Variants in PTPN23 observed in about 807,000 individuals in gnomAD.
PTPN23 encodes the protein tyrosine-protein phosphatase non-receptor type 23.
Under a neutral mutation model 156.3 loss-of-function variants are expected in PTPN23, and 72 were observed. The observed-to-expected ratio is 0.46, with a 90% CI of 0.38 to 0.56. The LOEUF (loss-of-function observed/expected upper bound fraction) is 0.56. Ranked by LOEUF, PTPN23 falls within the 20% of genes least tolerant of loss-of-function variation. The probability of loss-of-function intolerance (pLI) is 0.00; values close to 1 mark genes in which losing one functional copy is unlikely to be tolerated. For synonymous variants in PTPN23, 957 were observed against 899.6 expected (o/e 1.06, Z -1.14); for missense variants, 1,974 against 2,171.5 (o/e 0.91, Z 1.81).
intron 1 of PTPN23, among the ~76,000 whole-genome samples, chr3:47,395,439 A>AG (rs1218367607): frequency 6.6e-6 from 1 of 152,186 alleles, no homozygotes; most frequent in East Asian, 1.9e-4. Flanking sequence ...TGAGTTGAAC[A>AG]GGGGGCCCTT....
chr3:47,395,341 A>G (rs1559520535), intron 1 of PTPN23, among the ~76,000 whole-genome samples: 2 of 152,162 alleles, frequency 1.3e-5, no homozygotes, highest in Non-Finnish European at 2.9e-5. Flanking sequence ...TTGTGGCGTG[A>G]GTGGATCTGG....
chr3:47,383,642 G>A (rs1293277090), intron 1 of PTPN23, among the ~76,000 whole-genome samples: 3 of 152,234 alleles, frequency 2.0e-5, no homozygotes. Flanking sequence ...GAATGCAGTA[G>A]ATAAAATCTT....
At position 47,392,519 on chromosome 3, in the gene PTPN23, T is replaced by C. The variant is rs530321384; in HGVS notation, c.85-3624T>C. Among the ~76,000 whole-genome samples the C allele has an allele frequency of 2.2e-4, 34 of 152,202 alleles. 1 individual carries two copies. The South Asian group carries it at 6.9e-3, about 31-fold the overall frequency. Reference sequence around the variant, plus strand: ...ACTTTTTGTAGTTGTGTTTTTGTTGTTGTTGTTGTCATAATTATTTTTGAG... The same window carrying C: ...ACTTTTTGTAGTTGTGTTTTTGTTGCTGTTGTTGTCATAATTATTTTTGAG... On this transcript the variant is annotated intron_variant, in intron 1 of 24. Coordinates refer to ENST00000265562, the MANE Select transcript of PTPN23 (RefSeq NM_015466.4).
At position 47,407,134 on chromosome 3, in the gene PTPN23, C is replaced by T. The variant is rs1576226064; in HGVS notation, c.812C>T (p.Ala271Val). 6.2e-7 allele frequency: 1 copy of T among 1,614,046 alleles called. No homozygotes were observed. The highest frequency in any genetic ancestry group is 8.5e-7 in the Non-Finnish European group (1 of 1,179,962). Residue 271 changes from alanine (A) to valine (V), a missense_variant, in exon 10 of 25, where the codon GCA becomes GTA. Ala to Val is a moderately conservative substitution (Grantham distance 64, BLOSUM62 0). Transcript: ENST00000265562. The surrounding 1 kb of genome is among the most constrained non-coding windows in gnomAD (Gnocchi z 4.0). ...EEQQKFGERVAYFQSALDKLN... is the reference protein window; with the variant it reads ...EEQQKFGERVVYFQSALDKLN... The stretch of plus-strand genomic sequence containing the variant: ...CTTTCCTGCCACCCTCCACAGGTTG[C>T]ATACTTCCAGAGCGCCCTGGACAAG...
At chr3:47,397,136 A>G (rs1021399722) in intron 2 of PTPN23, among the ~76,000 whole-genome samples, 1 of 152,208 alleles carries the variant, frequency 6.6e-6, no homozygotes, top group Non-Finnish European at 1.5e-5. Context: ...GCCGTCTTCT[A>G]TGGGTGCAAT....
At position 47,407,795 on chromosome 3, in the gene PTPN23, G is replaced by C; in HGVS notation, c.1102G>C (p.Ala368Pro). Residue 368 changes from alanine to proline, a missense_variant, in exon 13 of 25, where the codon GCC becomes CCC. Ala to Pro is a conservative substitution (Grantham distance 27). This residue lies in a region of PTPN23 where 726 missense variants were observed against 929.5 expected (regional missense o/e 0.78). Transcript: ENST00000265562. The surrounding 1 kb of genome is among the most constrained non-coding windows in gnomAD (Gnocchi z 4.0). ...AKLVPMAAHEASSLYSEEKAK... is the reference protein window; with the variant it reads ...AKLVPMAAHEPSSLYSEEKAK... ...ACTGGTACCCATGGCTGCCCACGAG[G>C]CCTCGTCACTGTACAGGTGGGTGGA... 6.2e-7 allele frequency: 1 copy of C among 1,614,190 alleles called. No homozygotes were observed.
chr3:47,399,257 C>T (rs1273113808), intron 2 of PTPN23, among the ~76,000 whole-genome samples: 1 of 152,120 alleles, frequency 6.6e-6, no homozygotes, highest in Non-Finnish European at 1.5e-5. Context: ...TGGGTGGCTG[C>T]TACTATGGTA....
In PTPN23 at chr3:47,410,263, A is replaced by G. The variant is rs1576229984; in HGVS notation, c.2465A>G (p.Tyr822Cys). The change falls in exon 20 of 25, where the codon TAC becomes TGC. Residue 822 changes from tyrosine to cysteine, a missense_variant. Physicochemically the swap from Tyr to Cys is radical, Grantham distance 194 (BLOSUM62 -2). Coordinates refer to ENST00000265562, the MANE Select transcript of PTPN23 (RefSeq NM_015466.4). ...AMPVAPGPAL[Y>C]PAPAYTPELG... is the part of the protein sequence containing the mutation. ...CCCGTAGCACCTGGGCCTGCCCTCTACCCAGCCCCTGCCTACACACCGGAG... is the reference window on the plus strand; with the variant it reads ...CCCGTAGCACCTGGGCCTGCCCTCTGCCCAGCCCCTGCCTACACACCGGAG... 1.2e-6 allele frequency: 2 copies of G among 1,608,156 alleles called. No homozygotes were observed. The highest frequency in any genetic ancestry group is 1.7e-6 in the Non-Finnish European group (2 of 1,177,586).
At position 47,406,852 on chromosome 3, in the gene PTPN23, C is replaced by A; in HGVS notation, c.807+102C>A. 1.4e-6 allele frequency: 2 copies of A among 1,449,920 alleles called. No individual in the cohort carries two copies. Among genetic ancestry groups the A allele is most frequent in the South Asian group, 1.2e-5 (1 of 81,864 alleles). 89.8% of individuals were successfully genotyped at this position (1,449,920 alleles called of 1,614,324 possible). On this transcript the variant is annotated intron_variant, in intron 9 of 24. Coordinates refer to ENST00000265562, the MANE Select transcript of PTPN23 (RefSeq NM_015466.4). The surrounding 1 kb of genome is among the most constrained non-coding windows in gnomAD (Gnocchi z 5.8). The stretch of plus-strand genomic sequence containing the variant: ...CACCAGGGGGTGGCCTTCTCTGTCT[C>A]ACCCTGGCCATCACCCTGCTGGAGG...
At position 47,407,348 on chromosome 3, in the gene PTPN23, A is replaced by G. The variant is rs748601492; in HGVS notation, c.904A>G (p.Met302Val). 1.9e-5 allele frequency: 31 copies of G among 1,613,732 alleles called. No individual in the cohort carries two copies. Among genetic ancestry groups the G allele is most frequent in the Non-Finnish European group, 2.3e-5 (27 of 1,179,904 alleles). ...TGTGCAAGACGCGCTTCGCTTCACT[A>G]TGGATGTCATTGGGGGAAAGTGAGT... The part of the protein sequence containing the change: ...DTVQDALRFT[M>V]DVIGGKYNSA... The change falls in exon 11 of 25, where the codon ATG becomes GTG. Residue 302 changes from methionine (M) to valine (V), a missense_variant. Physicochemically the swap from Met to Val is conservative, Grantham distance 21 (BLOSUM62 1). Coordinates refer to ENST00000265562, the MANE Select transcript of PTPN23 (RefSeq NM_015466.4). This position sits in a 1 kb window ranked among gnomAD's most constrained non-coding sequence, Gnocchi z 4.0.
chr3:47,406,470 C>A lies in PTPN23; in HGVS notation c.628-11C>A. On this transcript the variant is annotated splice_polypyrimidine_tract_variant and intron_variant, in intron 7 of 24. Coordinates refer to ENST00000265562, the MANE Select transcript of PTPN23 (RefSeq NM_015466.4). This position sits in a 1 kb window ranked among gnomAD's most constrained non-coding sequence, Gnocchi z 5.8. ...GACTCCCCCACTCATTGGGCCCCAC[C>A]CTGTTCTCAGGTGGTAGATTACTAC... 3 of 1,613,950 alleles carry A rather than the reference C, an allele frequency of 1.9e-6. No individual in the cohort carries two copies. Among genetic ancestry groups the A allele is most frequent in the Non-Finnish European group, 2.5e-6 (3 of 1,179,976 alleles).
intron 1 of PTPN23, among the ~76,000 whole-genome samples, chr3:47,395,229 G>A (rs1704854255): frequency 6.6e-6 from 1 of 152,226 alleles, no homozygotes; most frequent in Admixed American, 6.5e-5. Context: ...AGACAGAGCA[G>A]GCTGCCTCAT....
chr3:47,381,513 C>T (rs958502341), intron 1 of PTPN23, among the ~76,000 whole-genome samples: 2 of 152,190 alleles, frequency 1.3e-5, no homozygotes, highest in East Asian at 3.9e-4. Context: ...TCCTCCATGC[C>T]AGGACCGCCC....
At chr3:47,396,851 A>G (rs1704889576) in intron 2 of PTPN23, among the ~76,000 whole-genome samples, 1 of 152,238 alleles carries the variant, frequency 6.6e-6, no homozygotes, top group South Asian at 2.1e-4. Flanking sequence ...ACTTGAGCCC[A>G]GGAGGTTGGG....
chr3:47,410,020 C>T lies in PTPN23; in HGVS notation c.2222C>T (p.Pro741Leu). 3 of 1,610,222 alleles carry T rather than the reference C, an allele frequency of 1.9e-6. No homozygotes were observed. Among genetic ancestry groups the T allele is most frequent in the Non-Finnish European group, 2.5e-6 (3 of 1,178,494 alleles). The stretch of plus-strand genomic sequence containing the variant: ...AGTGAGGCAGTGGAAGCAGGAGACC[C>T]CCCTGAGGAGCTGCGCAGCCTCCCC... Reference protein sequence around the residue: ...EESEAVEAGDPPEELRSLPPD... With the variant: ...EESEAVEAGDLPEELRSLPPD... The change falls in exon 20 of 25, where the codon CCC (proline) becomes CTC (leucine). Residue 741 changes from proline (P) to leucine (L), a missense_variant. By Grantham distance (98) the Pro-to-Leu change is moderately conservative. This residue lies in a region of PTPN23 where 731 missense variants were observed against 669.1 expected (regional missense o/e 1.09). Coordinates refer to ENST00000265562, the MANE Select transcript of PTPN23 (RefSeq NM_015466.4).
Position 47,406,196 on chromosome 3 carries a change from GGAGTGGGGGCAGCTGGGGGAGAGGGCAGT to G in PTPN23, c.547-126_547-98del. 6.9e-7 allele frequency: 1 copy of G among 1,455,890 alleles called. No homozygotes were observed. The highest frequency in any genetic ancestry group is 9.4e-7 in the Non-Finnish European group (1 of 1,065,282). The allele number at this position is 1,455,890 out of a possible 1,614,324, so 90.2% of individuals were successfully genotyped here. On this transcript the variant is annotated intron_variant, in intron 6 of 24. Transcript: ENST00000265562. The surrounding 1 kb of genome is among the most constrained non-coding windows in gnomAD (Gnocchi z 5.8). ...AATCAGGAGCACCGTGGTGCTGCTT[GGAGTGGGGGCAGCTGGGGGAGAGGGCAGT>G]GAAGAGGGATCCCTCAGTCTGCCCC...
chr3:47,382,675 C>CTTTCTTTTT (rs1704569316), intron 1 of PTPN23, among the ~76,000 whole-genome samples: 1 of 63,272 alleles, frequency 1.6e-5, no homozygotes, highest in Non-Finnish European at 3.4e-5. Context: ...TTTTCTTTTT[C>CTTTCTTTTT]TTTTCTTTTT....
intron 1 of PTPN23, among the ~76,000 whole-genome samples, chr3:47,384,335 G>A (rs998123053): frequency 2.0e-5 from 3 of 151,578 alleles, no homozygotes; most frequent in African/African-American, 7.3e-5. Context: ...AGGCATAGTG[G>A]CGGGTGCCTG....
intron 3 of PTPN23, 37 bp downstream of exon 3, chr3:47,404,816 G>C (rs1705084298): frequency 6.2e-7 from 1 of 1,605,932 alleles, no homozygotes. Context: ...ATCCCACGGG[G>C]AGTCTGGGTG....
Sources: allele counts gnomAD v4.1 joint callset (sites outside exome capture counted in the v4.1 genomes callset), GRCh38; gene constraint gnomAD v4.1.1; regional missense constraint gnomAD v4.1.1; non-coding constraint Gnocchi (gnomAD v3.1); transcripts MANE v1.5; gene names NCBI Gene and HGNC (gene_info 2026-07-23, HGNC 2026-07-21).